Variants in ERG observed in about 807,000 individuals in gnomAD.
ERG encodes ETS transcription factor ERG.
A neutral mutation model predicts 55.3 loss-of-function variants in ERG; 9 were observed. The ratio of observed to expected loss-of-function variants is 0.16; its 90% CI spans 0.10 to 0.28. The LOEUF (loss-of-function observed/expected upper bound fraction) is 0.28. ERG is among the 10% of genes least tolerant of loss of function. The pLI is 1.00. For synonymous variants in ERG, 223 were observed against 237.3 expected (o/e 0.94, Z 0.55); for missense variants, 434 against 631.6 (o/e 0.69, Z 3.35).
chr21:38,479,436 T>C (rs2059217519), intron 1 of ERG, among the ~76,000 whole-genome samples: 1 of 152,204 alleles, frequency 6.6e-6, no homozygotes, highest in South Asian at 2.1e-4. Flanking sequence ...AATATGACCT[T>C]ATTTAGAAGT....
chr21:38,531,874 A>T (rs1308020639), intron 2 of ERG, among the ~76,000 whole-genome samples: 1 of 152,202 alleles, frequency 6.6e-6, no homozygotes, highest in Non-Finnish European at 1.5e-5. Flanking sequence ...ACCCAAGTGC[A>T]GTGCGTTACA....
chr21:38,431,346 T>A (rs1990200222), intron 2 of ERG, among the ~76,000 whole-genome samples: 1 of 152,166 alleles, frequency 6.6e-6, no homozygotes, highest in South Asian at 2.1e-4. Flanking sequence ...CGTTAACAGT[T>A]TTTTAGGGAG....
At chr21:38,573,417 C>T (rs1473329792) in intron 2 of ERG, among the ~76,000 whole-genome samples, 70 of 152,266 alleles carry the variant, frequency 4.6e-4, no homozygotes, top group African/African-American at 1.6e-3. Context: ...GTATAAAACC[C>T]AATTGTACAT....
At chr21:38,504,366 A>G (rs762348242) in intron 2 of ERG, among the ~76,000 whole-genome samples, 2 of 152,228 alleles carry the variant, frequency 1.3e-5, no homozygotes, top group African/African-American at 4.8e-5. Flanking sequence ...ACTCAACTCC[A>G]TATGACTTTA....
chr21:38,459,321 C>G (rs953056991), intron 1 of ERG, among the ~76,000 whole-genome samples: 2 of 152,234 alleles, frequency 1.3e-5, no homozygotes, highest in Non-Finnish European at 2.9e-5. Flanking sequence ...AGTTCTAAGA[C>G]AGAGAATGCA....
chr21:38,408,147 C>A (rs1248855978), intron 3 of ERG, among the ~76,000 whole-genome samples: 1 of 152,138 alleles, frequency 6.6e-6, no homozygotes, highest in South Asian at 2.1e-4. Context: ...CAAAACATGG[C>A]CACTCGGTAG....
chr21:38,638,035 G>T (rs1412725562), intron 1 of ERG, among the ~76,000 whole-genome samples: 1 of 152,218 alleles, frequency 6.6e-6, no homozygotes, highest in Non-Finnish European at 1.5e-5. Context: ...AGAAAACGAA[G>T]ATCTAAGGTA....
intron 2 of ERG, among the ~76,000 whole-genome samples, chr21:38,435,460 C>T (rs185689633): frequency 1.2e-3 from 181 of 152,236 alleles, no homozygotes; most frequent in Middle Eastern, 6.8e-3. Flanking sequence ...TGTAGAACTC[C>T]GGGCTCAAAC....
At chr21:38,625,668 C>T (rs990339422) in intron 1 of ERG, among the ~76,000 whole-genome samples, 1 of 152,156 alleles carries the variant, frequency 6.6e-6, no homozygotes, top group Non-Finnish European at 1.5e-5. Flanking sequence ...AAGTCCCAAG[C>T]CAGCCTGACT....
chr21:38,486,879 C>T (rs894867701), intron 1 of ERG, among the ~76,000 whole-genome samples: 3 of 152,088 alleles, frequency 2.0e-5, no homozygotes, highest in South Asian at 2.1e-4. Flanking sequence ...CACTACAGCA[C>T]GTTACTGTTC....
At chr21:38,443,701 G>T (rs2058862884) in intron 2 of ERG, among the ~76,000 whole-genome samples, 1 of 151,818 alleles carries the variant, frequency 6.6e-6, no homozygotes, top group East Asian at 1.9e-4. Flanking sequence ...CAACTTTGGT[G>T]TCCTGGACCC....
chr21:38,391,433 G>T (rs878926420), intron 8 of ERG, among the ~76,000 whole-genome samples: 1 of 152,178 alleles, frequency 6.6e-6, no homozygotes, highest in Admixed American at 6.5e-5. Flanking sequence ...CTGTGTGCAC[G>T]TAGAATTTTT....
At chr21:38,625,687 T>G (rs1274773316) in intron 1 of ERG, among the ~76,000 whole-genome samples, 1 of 152,174 alleles carries the variant, frequency 6.6e-6, no homozygotes, top group Non-Finnish European at 1.5e-5. Context: ...CTTCTGACAG[T>G]TGATCTCAAG....
At chr21:38,614,793 G>A (rs990370881) in intron 1 of ERG, among the ~76,000 whole-genome samples, 25 of 152,216 alleles carry the variant, frequency 1.6e-4, no homozygotes, top group Non-Finnish European at 2.5e-4. Context: ...CATGGTCAGC[G>A]TGGCCTCAGC....
intron 1 of ERG, among the ~76,000 whole-genome samples, chr21:38,576,888 C>T (rs1009392749): frequency 2.0e-5 from 3 of 152,150 alleles, no homozygotes; most frequent in African/African-American, 7.2e-5. Flanking sequence ...TCATGGGGCC[C>T]CTCCTTCCAG....
At chr21:38,582,530 G>T (rs1040412769) in intron 1 of ERG, among the ~76,000 whole-genome samples, 9 of 152,232 alleles carry the variant, frequency 5.9e-5, no homozygotes, top group African/African-American at 9.6e-5. Flanking sequence ...GAGTTGGCCT[G>T]TATCTATTCT....
chr21:38,437,219 T>A (rs1190234259), intron 2 of ERG, among the ~76,000 whole-genome samples: 1 of 152,034 alleles, frequency 6.6e-6, no homozygotes, highest in African/African-American at 2.4e-5. Flanking sequence ...TCCATCTCCA[T>A]CGAAGCTAAC....
At chr21:38,623,590 C>T (rs2060306738) in intron 1 of ERG, among the ~76,000 whole-genome samples, 1 of 152,156 alleles carries the variant, frequency 6.6e-6, no homozygotes, top group Non-Finnish European at 1.5e-5. Flanking sequence ...CCAGTCACAC[C>T]GTACATCAGA....
At chr21:38,470,946 C>T (rs1377545058) in intron 1 of ERG, 1 of 152,246 alleles carries the variant, frequency 6.6e-6, no homozygotes, top group Non-Finnish European at 1.5e-5. Context: ...TGACTCAGGG[C>T]TGTTGGCAAA....
Sources: gnomAD v4.1 joint callset for allele counts (sites outside exome capture counted in the v4.1 genomes callset) on GRCh38, gnomAD v4.1.1 for gene constraint, MANE v1.5 for transcripts, NCBI Gene and HGNC (gene_info 2026-07-23, HGNC 2026-07-21) for gene names.